Variants in DMTN observed in about 807,000 individuals in gnomAD.
DMTN encodes dematin actin binding protein.
Under a neutral mutation model 59.4 loss-of-function variants are expected in DMTN, and 27 were observed. The ratio of observed to expected loss-of-function variants is 0.45; its 90% CI spans 0.33 to 0.63. The LOEUF is 0.63. Among genes scored for constraint, DMTN ranks in the 20% least tolerant of loss-of-function variants. The pLI, the probability that DMTN is intolerant of heterozygous loss-of-function variation, is 0.02. For missense variants in DMTN, 451 were observed against 528.9 expected (o/e 0.85, Z 1.45); for synonymous variants, 221 against 203.7 (o/e 1.08, Z -0.72).
chr8:22,079,044 C>G (rs1013028906), intron 10 of DMTN, among the ~76,000 whole-genome samples: 2 of 151,032 alleles, frequency 1.3e-5, no homozygotes, highest in African/African-American at 4.9e-5. Flanking sequence ...GTGATCCACC[C>G]ACCTCGGCCT....
upstream of DMTN, chr8:22,049,148 C>T (rs1383408575): frequency 2.0e-5 from 3 of 149,894 alleles, no homozygotes; most frequent in Non-Finnish European, 4.5e-5. Flanking sequence ...AGGCGAGGGC[C>T]CTGCGGAGCC....
chr8:22,052,775 G>T (rs976961627), upstream of DMTN, among the ~76,000 whole-genome samples: 5 of 152,286 alleles, frequency 3.3e-5, no homozygotes, highest in South Asian at 1.0e-3. Flanking sequence ...GATGTGCTAG[G>T]CCACACTCAG....
intron 1 of DMTN, among the ~76,000 whole-genome samples, chr8:22,061,316 GA>G (rs1806270129): frequency 1.3e-5 from 2 of 149,336 alleles, no homozygotes; most frequent in African/African-American, 2.5e-5. Context: ...AAGAAAGAAA[GA>G]AAAAATGTGA....
intron 7 of DMTN, 73 bp from the exon 8 acceptor site, chr8:22,070,109 G>A: frequency 6.4e-7 from 1 of 1,553,056 alleles, no homozygotes; most frequent in Non-Finnish European, 8.7e-7. Context: ...ACAGGTGTGA[G>A]GGGGGAGGGG....
At chr8:22,065,508 G>A (rs1809816206) in intron 1 of DMTN, among the ~76,000 whole-genome samples, 2 of 152,156 alleles carry the variant, frequency 1.3e-5, no homozygotes, top group African/African-American at 4.8e-5. Context: ...GGAGGCACCT[G>A]AGAGGCAGAG....
chr8:22,066,390 G>A (rs1290468433), intron 1 of DMTN: 1 of 152,982 alleles, frequency 6.5e-6, no homozygotes, highest in Non-Finnish European at 1.5e-5. Flanking sequence ...CAGCGGCCGG[G>A]AGGGGAGGGC....
In DMTN at chr8:22,081,859, C is replaced by G. The variant is rs766013608; in HGVS notation, c.*396C>G. 10 of 464,756 alleles carry G rather than the reference C, an allele frequency of 2.2e-5. No individual in the cohort carries two copies. Among genetic ancestry groups the G allele is most frequent in the Non-Finnish European group, 1.3e-5 (3 of 232,648 alleles). 28.8% of individuals were successfully genotyped at this position (464,756 alleles called of 1,614,324 possible). On this transcript the variant is annotated 3_prime_UTR_variant, in exon 16 of 16. Transcript: ENST00000358242. ...GGAAGCGGCCAGGCAGAAAGAGCTC[C>G]AGGCTCTTGTGTCGCCCACCCAGCC...
chr8:22,058,214 G>A lies in DMTN; in HGVS notation c.-172+1078G>A, dbSNP rs1296862014. ...GCCCACCTGTCCATCTTGTGTCCGTGCTGCCGGCCTCTCTGTGGTCAGGCG... is the reference window on the plus strand; with the variant it reads ...GCCCACCTGTCCATCTTGTGTCCGTACTGCCGGCCTCTCTGTGGTCAGGCG... On this transcript the variant is annotated intron_variant, in intron 1 of 15. Coordinates refer to ENST00000358242, the MANE Select transcript of DMTN (RefSeq NM_001387751.1). The surrounding 1 kb of genome is among the most constrained non-coding windows in gnomAD (Gnocchi z 4.3). Among the ~76,000 whole-genome samples the A allele has an allele frequency of 6.6e-6, 1 of 152,194 alleles. No homozygotes were observed. The highest frequency in any genetic ancestry group is 1.5e-5 in the Non-Finnish European group (1 of 68,040).
In DMTN at chr8:22,061,417, T is replaced by C. The variant is rs1240751204; in HGVS notation, c.-172+4281T>C. On this transcript the variant is annotated intron_variant, in intron 1 of 15. Transcript: ENST00000358242. ...TGACCATCAGGATTTTGAATCATGTTTCTGAGTGCCTGTGCCTCTGGCACG... is the reference window on the plus strand; with the variant it reads ...TGACCATCAGGATTTTGAATCATGTCTCTGAGTGCCTGTGCCTCTGGCACG... 2.0e-5 allele frequency among the ~76,000 whole-genome samples: 3 copies of C among 152,376 alleles called. No individual in the cohort carries two copies. The East Asian group carries it at 5.8e-4, about 29-fold the overall frequency.
chr8:22,054,818 C>G (rs1344543633), upstream of DMTN: 1 of 152,200 alleles, frequency 6.6e-6, no homozygotes, highest in East Asian at 1.9e-4. Flanking sequence ...CTCCCTCCAT[C>G]TCTGAGGAAG....
At chr8:22,071,860 G>A (rs373702603) in intron 8 of DMTN, among the ~76,000 whole-genome samples, 5 of 152,114 alleles carry the variant, frequency 3.3e-5, no homozygotes, top group Non-Finnish European at 7.4e-5. Flanking sequence ...GATTACAGGC[G>A]TGAGTCCCCG....
At position 22,077,117 on chromosome 8, in the gene DMTN, G is replaced by A. The variant is rs535263381; in HGVS notation, c.836-3063G>A. 2.0e-5 allele frequency among the ~76,000 whole-genome samples: 3 copies of A among 152,248 alleles called. 1 individual carries two copies. In the South Asian group the frequency reaches 6.2e-4, roughly 32 times the overall value. ...GCGTTTTTAAGGATAGGTGCTGAGG[G>A]GCCAGGCTGCACCATGGAGGAGCTG... On this transcript the variant is annotated intron_variant, in intron 10 of 15. Transcript: ENST00000358242.
At chr8:22,067,298 A>G (rs1484361634) in intron 3 of DMTN, 139 bp downstream of exon 3, 1 of 1,152,006 alleles carries the variant, frequency 8.7e-7, no homozygotes, top group Non-Finnish European at 1.2e-6. Flanking sequence ...GAACCCAGAA[A>G]CCCAGAGAAG....
chr8:22,075,951 A>C (rs1215733016), intron 10 of DMTN, among the ~76,000 whole-genome samples: 1 of 152,186 alleles, frequency 6.6e-6, no homozygotes, highest in Non-Finnish European at 1.5e-5. Context: ...GGGCTAAAAA[A>C]CGATGTGGGT....
At chr8:22,079,302 TAG>T (rs1563540106) in intron 10 of DMTN, among the ~76,000 whole-genome samples, 1 of 15,540 alleles carries the variant, frequency 6.4e-5, no homozygotes, top group South Asian at 3.9e-3. Flanking sequence ...ATATATATAT[TAG>T]CTGGGTTTGA....
At chr8:22,062,326 G>A (rs1385062785) in intron 1 of DMTN, among the ~76,000 whole-genome samples, 1 of 152,066 alleles carries the variant, frequency 6.6e-6, no homozygotes, top group Non-Finnish European at 1.5e-5. Flanking sequence ...TCGAATTCCT[G>A]GGCTCAAGTG....
rs1156659219 is a variant in DMTN at position 22,056,851 on chromosome 8, C to T, written c.-457C>T. On this transcript the variant is annotated 5_prime_UTR_variant, in exon 1 of 16. Transcript: ENST00000358242. ...CCCAGCACCGGGGGATCCAGGCGGC[C>T]GTGCGTTGCAGAGAAGCAGGGTGGG... 2 of 142,590 alleles carry T rather than the reference C, an allele frequency of 1.4e-5. No homozygotes were observed. The highest frequency in any genetic ancestry group is 3.1e-5 in the Non-Finnish European group (2 of 65,184). 8.8% of individuals were successfully genotyped at this position (142,590 alleles called of 1,614,324 possible). A position where few individuals can be genotyped will look rare whatever the true frequency, so the allele number is the denominator to read the frequency against.
chr8:22,069,829 AG>A (rs1813847630), intron 6 of DMTN, 51 bp from the exon 7 acceptor site: 4 of 1,596,220 alleles, frequency 2.5e-6, no homozygotes, highest in Middle Eastern at 1.7e-4. Context: ...TCCTGGCCCC[AG>A]CCTCCCTGCC....
In DMTN at chr8:22,073,794, G is replaced by A. The variant is rs1249875275; in HGVS notation, c.794G>A (p.Arg265Lys). ...ATGGAAAAGTCATTGCCGATCCGAA[G>A]GAAAACCCGCTCTCTGCCTGACCGG... ...EEMEKSLPIR[R>K]KTRSLPDRTP... The change falls in exon 10 of 16, where the codon AGG becomes AAG. Residue 265 changes from arginine to lysine, a missense_variant. Arg to Lys is a conservative substitution (Grantham distance 26, BLOSUM62 2). Transcript: ENST00000358242. 6.2e-7 allele frequency: 1 copy of A among 1,614,056 alleles called. No homozygotes were observed. The highest frequency in any genetic ancestry group is 8.5e-7 in the Non-Finnish European group (1 of 1,180,040).
Sources: allele counts gnomAD v4.1 joint callset (sites outside exome capture counted in the v4.1 genomes callset), GRCh38; gene constraint gnomAD v4.1.1; non-coding constraint Gnocchi (gnomAD v3.1); transcripts MANE v1.5; gene names NCBI Gene and HGNC (gene_info 2026-07-23, HGNC 2026-07-21).